EDC3: variants seen among roughly 807,000 people sequenced by gnomAD.
EDC3 encodes the protein enhancer of mRNA-decapping protein 3.
EDC3 carries 20 observed loss-of-function variants against 41.8 expected under a neutral mutation model. That is an observed-to-expected ratio of 0.48 (90% confidence interval 0.34 to 0.70). The LOEUF is 0.70. Ranked by LOEUF, EDC3 falls within the 30% of genes least tolerant of loss-of-function variation. The pLI, the probability that EDC3 is intolerant of heterozygous loss-of-function variation, is 0.01. For missense variants in EDC3, 444 were observed against 636.8 expected (o/e 0.70, Z 3.26); for synonymous variants, 206 against 243.2 (o/e 0.85, Z 1.42).
chr15:74,664,224 T>C (rs540489766), intron 3 of EDC3, among the ~76,000 whole-genome samples: 1 of 152,378 alleles, frequency 6.6e-6, no homozygotes, highest in African/African-American at 2.4e-5. Flanking sequence ...TTCCTCATAC[T>C]TTAATACAAA....
At chr15:74,663,514 G>A (rs1596318402) in intron 3 of EDC3, among the ~76,000 whole-genome samples, 1 of 151,930 alleles carries the variant, frequency 6.6e-6, no homozygotes, top group Non-Finnish European at 1.5e-5. Flanking sequence ...ATGCTGATTG[G>A]AGCATTTTGG....
chr15:74,671,552 G>A lies in EDC3; in HGVS notation c.387C>T (p.Ala129=), dbSNP rs767211729. The A allele has an allele frequency of 5.6e-6, 9 of 1,614,042 alleles. No individual in the cohort carries two copies. The East Asian group carries it at 6.7e-5, about 12-fold the overall frequency. The change falls in exon 3 of 7, where the codon GCC becomes GCT. Residue 129 remains alanine, a synonymous_variant. Transcript: ENST00000315127. The surrounding 1 kb of genome is among the most constrained non-coding windows in gnomAD (Gnocchi z 4.6). Reference sequence around the variant, plus strand: ...AGCACTGTTGCTGCTGCGGGGAAACGGCAACATCCTGGCTCTTCACATCTG... The same window carrying A: ...AGCACTGTTGCTGCTGCGGGGAAACAGCAACATCCTGGCTCTTCACATCTG... The part of the protein sequence containing the change: ...KRTDVKSQDV[A]VSPQQQQCSK...
chr15:74,682,435 G>A (rs924801548), intron 1 of EDC3, among the ~76,000 whole-genome samples: 24 of 151,692 alleles, frequency 1.6e-4, no homozygotes, highest in Middle Eastern at 3.4e-3. Flanking sequence ...TGGCTAACAC[G>A]GTGAAACCCC....
At chr15:74,692,513 G>A (rs1253790628) in intron 1 of EDC3, among the ~76,000 whole-genome samples, 1 of 152,080 alleles carries the variant, frequency 6.6e-6, no homozygotes, top group African/African-American at 2.4e-5. Context: ...ATTTTATGAG[G>A]TCATAATTAC....
At chr15:74,660,888 T>C (rs529404246) in intron 3 of EDC3, among the ~76,000 whole-genome samples, 1 of 152,328 alleles carries the variant, frequency 6.6e-6, no homozygotes, top group Admixed American at 6.5e-5. Context: ...TTGCTGCCCA[T>C]ATTTGAGATA....
chr15:74,673,012 C>G (rs2062756963), intron 2 of EDC3, among the ~76,000 whole-genome samples: 1 of 151,770 alleles, frequency 6.6e-6, no homozygotes, highest in Non-Finnish European at 1.5e-5. Context: ...GGTAGGGGCT[C>G]AGAGACTGAG....
chr15:74,658,562 C>T (rs2062578177), intron 3 of EDC3, among the ~76,000 whole-genome samples: 1 of 138,774 alleles, frequency 7.2e-6, no homozygotes, highest in Admixed American at 7.9e-5. Context: ...CCAAGTATTC[C>T]TAATGCCTTG....
At position 74,671,951 on chromosome 15, in the gene EDC3, A is replaced by T. The variant is rs545000094; in HGVS notation, c.165-177T>A. 4.9e-4 allele frequency among the ~76,000 whole-genome samples: 74 copies of T among 152,250 alleles called. 1 individual carries two copies. The highest frequency in any genetic ancestry group is 1.7e-3 in the African/African-American group (70 of 41,556). On this transcript the variant is annotated intron_variant, in intron 2 of 6. Coordinates refer to ENST00000315127, the MANE Select transcript of EDC3 (RefSeq NM_025083.5). This position sits in a 1 kb window ranked among gnomAD's most constrained non-coding sequence, Gnocchi z 4.6. ...GTCAGCCACCAACTATCCAACTGACACAATGCTAGCCTTTAAAAAGAGGCT... is the reference window on the plus strand; with the variant it reads ...GTCAGCCACCAACTATCCAACTGACTCAATGCTAGCCTTTAAAAAGAGGCT...
At chr15:74,657,448 T>C (rs1596314104) in intron 3 of EDC3, among the ~76,000 whole-genome samples, 1 of 152,234 alleles carries the variant, frequency 6.6e-6, no homozygotes, top group Non-Finnish European at 1.5e-5. Context: ...TGCACTCCAG[T>C]TCCTGCCTTG....
chr15:74,671,796 A>T lies in EDC3; in HGVS notation c.165-22T>A. 6.2e-7 allele frequency: 1 copy of T among 1,607,410 alleles called. No individual in the cohort carries two copies. Among genetic ancestry groups the T allele is most frequent in the Non-Finnish European group, 8.5e-7 (1 of 1,175,052 alleles). On this transcript the variant is annotated intron_variant, in intron 2 of 6. Coordinates refer to ENST00000315127, the MANE Select transcript of EDC3 (RefSeq NM_025083.5). This position sits in a 1 kb window ranked among gnomAD's most constrained non-coding sequence, Gnocchi z 4.6. The stretch of plus-strand genomic sequence containing the variant: ...TGCCCTGAAATACACAAAAAAGCCA[A>T]GTCTCAAAATTATAATAGTGGTAAG...
chr15:74,658,706 C>T (rs1432635940), intron 3 of EDC3, among the ~76,000 whole-genome samples: 3 of 149,862 alleles, frequency 2.0e-5, no homozygotes, highest in East Asian at 2.0e-4. Flanking sequence ...TTTGGGAGGC[C>T]GAGGCAGGCA....
At position 74,640,379 on chromosome 15, in the gene EDC3, G is replaced by T. The variant is rs1051823183; in HGVS notation, c.974+87C>A. On this transcript the variant is annotated intron_variant, in intron 5 of 6. Transcript: ENST00000315127. ...TGAGCAGAAACTGCCTAATGAACTC[G>T]TATGTGTGTATGGGAGGCACTGTGG... The T allele has an allele frequency of 1.7e-5, 25 of 1,431,100 alleles. No homozygotes were observed. The Admixed American group carries it at 4.8e-4, about 28-fold the overall frequency. The allele number at this position is 1,431,100 out of a possible 1,614,324, so 88.7% of individuals were successfully genotyped here.
At chr15:74,692,036 G>T (rs2063013944) in intron 1 of EDC3, among the ~76,000 whole-genome samples, 1 of 152,036 alleles carries the variant, frequency 6.6e-6, no homozygotes, top group Non-Finnish European at 1.5e-5. Flanking sequence ...AGCCAGGATG[G>T]TCTCGATCTC....
chr15:74,692,493 T>A (rs2063018881), intron 1 of EDC3, among the ~76,000 whole-genome samples: 1 of 152,124 alleles, frequency 6.6e-6, no homozygotes, highest in African/African-American at 2.4e-5. Context: ...GAAGGAACAC[T>A]TCCCAATTCA....
intron 3 of EDC3, among the ~76,000 whole-genome samples, chr15:74,667,619 A>G (rs2141641032): frequency 6.6e-6 from 1 of 152,330 alleles, no homozygotes; most frequent in Non-Finnish European, 1.5e-5. Flanking sequence ...GGAGTATGTC[A>G]AAGGGACATG....
At chr15:74,635,321 C>T (rs760529363) in intron 6 of EDC3, 88 bp downstream of exon 6, 2 of 1,286,504 alleles carry the variant, frequency 1.6e-6, no homozygotes, top group Middle Eastern at 3.7e-4. Flanking sequence ...TAGTGCCTTT[C>T]CACCTGTCGC....
chr15:74,671,276 TC>T lies in EDC3; in HGVS notation c.484+178del, dbSNP rs2062734757. Among the ~76,000 whole-genome samples, 1 of 152,198 alleles carries T rather than the reference TC, an allele frequency of 6.6e-6. No homozygotes were observed. Among genetic ancestry groups the T allele is most frequent in the Non-Finnish European group, 1.5e-5 (1 of 68,026 alleles). On this transcript the variant is annotated intron_variant, in intron 3 of 6. Transcript: ENST00000315127. This position sits in a 1 kb window ranked among gnomAD's most constrained non-coding sequence, Gnocchi z 4.6. ...GGCATCCCTAACAGCTTATTTCCTT[TC>T]CCTTAACATCTTGAGGAATGAGGCC...
chr15:74,648,441 C>T (rs554014191), intron 4 of EDC3, among the ~76,000 whole-genome samples: 2 of 152,304 alleles, frequency 1.3e-5, no homozygotes, highest in East Asian at 1.9e-4. Flanking sequence ...GAGCTAGATA[C>T]ATCCCCACCA....
chr15:74,671,641 T>C lies in EDC3; in HGVS notation c.298A>G (p.Thr100Ala). Residue 100 changes from threonine to alanine, a missense_variant, in exon 3 of 7, where the codon ACA becomes GCA. Coordinates refer to ENST00000315127, the MANE Select transcript of EDC3 (RefSeq NM_025083.5). This position sits in a 1 kb window ranked among gnomAD's most constrained non-coding sequence, Gnocchi z 4.6. ...GCTGGCTTCTTGACAAACTTGCCTGTGCCATTCTGATTGATGCCCACTTGG... is the reference window on the plus strand; with the variant it reads ...GCTGGCTTCTTGACAAACTTGCCTGCGCCATTCTGATTGATGCCCACTTGG... The part of the protein sequence containing the change: ...GCQVGINQNG[T>A]GKFVKKPASS... The C allele has an allele frequency of 6.2e-7, 1 of 1,614,172 alleles. No individual in the cohort carries two copies. Among genetic ancestry groups the C allele is most frequent in the Non-Finnish European group, 8.5e-7 (1 of 1,180,040 alleles).
Sources: allele counts gnomAD v4.1 joint callset (sites outside exome capture counted in the v4.1 genomes callset), GRCh38; gene constraint gnomAD v4.1.1; non-coding constraint Gnocchi (gnomAD v3.1); transcripts MANE v1.5; gene names NCBI Gene and HGNC (gene_info 2026-07-23, HGNC 2026-07-21).